The following SMCO4 variants were observed in gnomAD, a reference collection of about 807,000 sequenced individuals.
SMCO4 encodes single-pass membrane and coiled-coil domain-containing protein 4.
Under a neutral mutation model 3.6 loss-of-function variants are expected in SMCO4, and 4 were observed. The observed-to-expected ratio is 1.11, with a 90% confidence interval of 0.54 to 2.53. The LOEUF (loss-of-function observed/expected upper bound fraction) is 2.53. SMCO4 is among the 30% of genes most tolerant of loss of function. The pLI is 0.02. For missense variants in SMCO4, 70 were observed against 80.8 expected, an observed-to-expected ratio of 0.87 and a Z score of 0.51; for synonymous variants, 36 against 35.3, an observed-to-expected ratio of 1.02 and a Z score of -0.07.
chr11:93,540,309 C>T lies in SMCO4; in HGVS notation c.-154+2967G>A, dbSNP rs564378698. Among the ~76,000 whole-genome samples the T allele has an allele frequency of 3.3e-5, 5 of 152,306 alleles. No individual in the cohort carries two copies. The South Asian group carries it at 1.0e-3, about 32-fold the overall frequency. On this transcript the variant is annotated intron_variant, in intron 1 of 2. Transcript: ENST00000298966. ...CCCACTGCAATTAGTGGGTACATTTCTTGAATATAAGACAGACAGTATTAT... is the reference window on the plus strand; with the variant it reads ...CCCACTGCAATTAGTGGGTACATTTTTTGAATATAAGACAGACAGTATTAT...
intron 1 of SMCO4, among the ~76,000 whole-genome samples, chr11:93,533,513 T>C (rs1256187498): frequency 6.6e-6 from 1 of 152,124 alleles, no homozygotes; most frequent in Non-Finnish European, 1.5e-5. Flanking sequence ...GTCCTGGCCA[T>C]CTGTGTAGCT....
intron 1 of SMCO4, among the ~76,000 whole-genome samples, chr11:93,519,948 T>C (rs1256796117): frequency 1.3e-5 from 2 of 152,142 alleles, no homozygotes; most frequent in African/African-American, 2.4e-5. Flanking sequence ...TGAGGAGTCA[T>C]TTGGCAGAGC....
chr11:93,550,260 A>T, the SMCO4 span, among the ~76,000 whole-genome samples: 1 of 152,190 alleles, frequency 6.6e-6, no homozygotes, highest in Non-Finnish European at 1.5e-5. Context: ...GAGCGTCATT[A>T]ACATGCCTGT....
intron 1 of SMCO4, among the ~76,000 whole-genome samples, chr11:93,541,806 A>G (rs1716968941): frequency 6.6e-6 from 1 of 152,216 alleles, no homozygotes; most frequent in South Asian, 2.1e-4. Context: ...TAATTTCTTT[A>G]TAAGAACAGG....
intron 1 of SMCO4, among the ~76,000 whole-genome samples, chr11:93,539,104 C>T (rs536588250): frequency 1.4e-4 from 22 of 152,262 alleles, no homozygotes; most frequent in African/African-American, 5.3e-4. Context: ...CCCATTTCCA[C>T]ATCTGTGTGT....
chr11:93,547,814 C>T (rs1949324864), upstream of SMCO4, among the ~76,000 whole-genome samples: 1 of 151,932 alleles, frequency 6.6e-6, no homozygotes, highest in Non-Finnish European at 1.5e-5. Context: ...CTGCTGGGTC[C>T]CTTTGTGATG....
upstream of SMCO4, among the ~76,000 whole-genome samples, chr11:93,547,179 C>A (rs1208305189): frequency 6.6e-6 from 1 of 152,270 alleles, no homozygotes; most frequent in East Asian, 1.9e-4. Context: ...GAGGCTCAAC[C>A]AGTGGAACAA....
At chr11:93,531,954 T>C (rs867361466) in intron 1 of SMCO4, among the ~76,000 whole-genome samples, 6 of 152,222 alleles carry the variant, frequency 3.9e-5, no homozygotes, top group Admixed American at 1.3e-4. Context: ...CTGCCCCATT[T>C]CGAGTTGTCC....
chr11:93,485,690 A>C (rs563607824), intron 2 of SMCO4, among the ~76,000 whole-genome samples: 5 of 152,362 alleles, frequency 3.3e-5, no homozygotes, highest in Non-Finnish European at 2.9e-5. Flanking sequence ...ACAGGTGCTC[A>C]ACAAACATCT....
chr11:93,515,262 T>C (rs1342175324), intron 1 of SMCO4, among the ~76,000 whole-genome samples: 1 of 152,206 alleles, frequency 6.6e-6, no homozygotes, highest in East Asian at 1.9e-4. Context: ...TGAAAGAATT[T>C]TAACGAGAAA....
At chr11:93,498,081 A>G (rs1948795427) in intron 2 of SMCO4, among the ~76,000 whole-genome samples, 1 of 152,202 alleles carries the variant, frequency 6.6e-6, no homozygotes, top group African/African-American at 2.4e-5. Context: ...ATAACAGGAT[A>G]TACATATTAA....
chr11:93,549,674 T>G, the SMCO4 span, among the ~76,000 whole-genome samples: 148,959 of 151,598 alleles, frequency 0.98, 73,231 homozygotes, highest in East Asian at 1. Flanking sequence ...GCCCAGGCTG[T>G]TCTTGAACTC....
At chr11:93,493,660 T>C (rs1948744098) in intron 2 of SMCO4, among the ~76,000 whole-genome samples, 1 of 152,216 alleles carries the variant, frequency 6.6e-6, no homozygotes, top group Non-Finnish European at 1.5e-5. Context: ...TGTTCCCCAC[T>C]GTCAACAAAA....
chr11:93,516,041 A>G (rs1251648466), intron 1 of SMCO4, among the ~76,000 whole-genome samples: 1 of 152,208 alleles, frequency 6.6e-6, no homozygotes, highest in Non-Finnish European at 1.5e-5. Context: ...GAAAGGCCCC[A>G]TCTTAACATC....
At chr11:93,507,021 T>C (rs751119925) in intron 1 of SMCO4, among the ~76,000 whole-genome samples, 1 of 152,320 alleles carries the variant, frequency 6.6e-6, no homozygotes, top group Middle Eastern at 3.4e-3. Context: ...TATAGACACT[T>C]TGTCAAAAAT....
chr11:93,481,478 G>C (rs980152441), intron 2 of SMCO4: 1 of 985,266 alleles, frequency 1.0e-6, no homozygotes, highest in Non-Finnish European at 1.2e-6. Flanking sequence ...TATAACTCAG[G>C]GCTTGGCACA....
At chr11:93,544,990 G>A (rs1347714274), upstream of SMCO4, among the ~76,000 whole-genome samples, 4 of 152,186 alleles carry the variant, frequency 2.6e-5, no homozygotes, top group African/African-American at 9.7e-5. Context: ...AGGAGTTTGA[G>A]CTGTAGCTCC....
At chr11:93,498,465 T>C (rs1948800830) in intron 2 of SMCO4, among the ~76,000 whole-genome samples, 1 of 151,922 alleles carries the variant, frequency 6.6e-6, no homozygotes, top group South Asian at 2.1e-4. Context: ...GCCCCCCACA[T>C]GCAACCCCCA....
At chr11:93,505,856 A>AATGATGATG (rs61060663) in intron 1 of SMCO4, among the ~76,000 whole-genome samples, 33 of 149,762 alleles carry the variant, frequency 2.2e-4, no homozygotes, top group Middle Eastern at 3.4e-3. Flanking sequence ...AAGCCCTTGC[A>AATGATGATG]ATGATGATGA....
Sources: gnomAD v4.1 joint callset for allele counts (sites outside exome capture counted in the v4.1 genomes callset) on GRCh38, gnomAD v4.1.1 for gene constraint, MANE v1.5 for transcripts, NCBI Gene and HGNC (gene_info 2026-07-23, HGNC 2026-07-21) for gene names.